CCR5AS: variants seen among roughly 807,000 people sequenced by gnomAD.
The protein encoded by CCR5AS is CCR5 antisense RNA.
intron 1 of CCR5AS, among the ~76,000 whole-genome samples, chr3:46,404,327 C>CTCT (rs774829413): frequency 1.6e-4 from 12 of 75,928 alleles, no homozygotes; most frequent in South Asian, 1.5e-3. Flanking sequence ...CTCTCTCTCT[C>CTCT]TTTTTTTTTT....
intron 2 of CCR5AS, chr3:46,373,602 G>C (rs371621013): frequency 6.2e-7 from 1 of 1,614,014 alleles, no homozygotes. Context: ...GCACAGGGCT[G>C]TGAGGCTTAT....
intron 1 of CCR5AS, among the ~76,000 whole-genome samples, chr3:46,400,441 T>G (rs1701997167): frequency 1.3e-5 from 2 of 152,186 alleles, no homozygotes; most frequent in Non-Finnish European, 2.9e-5. Context: ...AAGAGGGATG[T>G]GATCGTGGGA....
chr3:46,379,706 C>G (rs543406052), intron 2 of CCR5AS, among the ~76,000 whole-genome samples: 1 of 151,968 alleles, frequency 6.6e-6, no homozygotes, highest in African/African-American at 2.4e-5. Context: ...ACCGGCCTGG[C>G]CAATATAGTG....
At chr3:46,401,214 T>C (rs1202751710) in intron 1 of CCR5AS, among the ~76,000 whole-genome samples, 2 of 152,108 alleles carry the variant, frequency 1.3e-5, no homozygotes, top group Non-Finnish European at 2.9e-5. Flanking sequence ...TCCAAAAGGA[T>C]TGGTCCACGC....
At chr3:46,390,211 G>A (rs1399962254) in intron 2 of CCR5AS, among the ~76,000 whole-genome samples, 1 of 152,128 alleles carries the variant, frequency 6.6e-6, no homozygotes, top group Non-Finnish European at 1.5e-5. Context: ...GGCAAAAAGA[G>A]GCTGGGAGGA....
At chr3:46,395,135 A>T (rs1410525891) in intron 1 of CCR5AS, among the ~76,000 whole-genome samples, 1 of 152,104 alleles carries the variant, frequency 6.6e-6, no homozygotes, top group African/African-American at 2.4e-5. Context: ...GAGGACTTGG[A>T]TTATCAGGAC....
intron 2 of CCR5AS, among the ~76,000 whole-genome samples, chr3:46,390,099 A>G (rs922884654): frequency 6.6e-6 from 1 of 152,170 alleles, no homozygotes; most frequent in African/African-American, 2.4e-5. Context: ...AGATCATGAG[A>G]AAGGGCCTGG....
intron 2 of CCR5AS, among the ~76,000 whole-genome samples, chr3:46,389,846 T>C (rs573275295): frequency 1.3e-5 from 2 of 152,102 alleles, no homozygotes; most frequent in Non-Finnish European, 2.9e-5. Context: ...GGTTGGGGTC[T>C]GGGAGATTAA....
chr3:46,373,147 C>A (rs1204500128), intron 2 of CCR5AS: 1 of 1,614,070 alleles, frequency 6.2e-7, no homozygotes, highest in East Asian at 2.2e-5. Context: ...TTCCTTCTTA[C>A]TGTCCCCTTC....
chr3:46,368,859 T>C (rs972447644), intron 3 of CCR5AS, among the ~76,000 whole-genome samples: 1 of 152,088 alleles, frequency 6.6e-6, no homozygotes, highest in Admixed American at 6.6e-5. Context: ...AAACAGAACA[T>C]GGCAAAGCCT....
intron 3 of CCR5AS, among the ~76,000 whole-genome samples, chr3:46,365,470 A>G (rs1029002324): frequency 6.6e-6 from 1 of 152,256 alleles, no homozygotes; most frequent in Non-Finnish European, 1.5e-5. Context: ...AGACTACAGT[A>G]TAGGATAAAC....
intron 2 of CCR5AS, among the ~76,000 whole-genome samples, chr3:46,378,305 A>G (rs1401478891): frequency 6.6e-6 from 1 of 152,128 alleles, no homozygotes; most frequent in African/African-American, 2.4e-5. Context: ...ATTAATATGC[A>G]TGCATATAAT....
At chr3:46,399,438 A>T (rs1701988231) in intron 1 of CCR5AS, among the ~76,000 whole-genome samples, 1 of 152,226 alleles carries the variant, frequency 6.6e-6, no homozygotes. Context: ...GAGTTTGGAC[A>T]ACTAGTGAAA....
In CCR5AS at chr3:46,366,966, C is replaced by T. The variant is rs148918429; in HGVS notation, n.566-1921G>A. Among the ~76,000 whole-genome samples the T allele has an allele frequency of 1.4e-4, 22 of 152,136 alleles. No individual in the cohort carries two copies. In the South Asian group the frequency reaches 2.7e-3, roughly 19 times the overall value. ...GACACTGCTCACATGACTGAACAAC[C>T]GAGAAGAGCCCGACTGTCTACTGAA... On this transcript the variant is annotated intron_variant and non_coding_transcript_variant, in intron 3 of 3. Coordinates refer to ENST00000451485, the Ensembl canonical transcript of CCR5AS.
intron 1 of CCR5AS, among the ~76,000 whole-genome samples, chr3:46,398,322 A>G (rs565918290): frequency 2.6e-5 from 4 of 152,348 alleles, no homozygotes; most frequent in Non-Finnish European, 4.4e-5. Flanking sequence ...AAGCTACTGC[A>G]GAGAAAATAA....
In CCR5AS at chr3:46,369,529, G is replaced by A. The variant is rs541210726; in HGVS notation, n.565+1715C>T. On this transcript the variant is annotated intron_variant and non_coding_transcript_variant, in intron 3 of 3. Coordinates refer to ENST00000451485, the Ensembl canonical transcript of CCR5AS. ...ATTTCTTTCTATTCTCCAAGCACCA[G>A]CAATTAGCTTTACCTTTTCAGCTTC... Among the ~76,000 whole-genome samples, 7 of 152,060 alleles carry A rather than the reference G, an allele frequency of 4.6e-5. No homozygotes were observed. In the South Asian group the frequency reaches 1.2e-3, roughly 27 times the overall value.
intron 1 of CCR5AS, among the ~76,000 whole-genome samples, chr3:46,395,524 G>A (rs150362359): frequency 4.6e-5 from 7 of 152,288 alleles, no homozygotes; most frequent in East Asian, 3.9e-4. Flanking sequence ...TGTCAGCAAC[G>A]TCAAATGTTG....
intron 2 of CCR5AS, among the ~76,000 whole-genome samples, chr3:46,385,460 G>A (rs543557872): frequency 6.6e-6 from 1 of 152,266 alleles, no homozygotes; most frequent in East Asian, 1.9e-4. Flanking sequence ...ATGGTGCTGA[G>A]TTTCTCCTAG....
Position 46,389,770 on chromosome 3 carries a change from C to T in CCR5AS, n.391+3055G>A, listed in dbSNP as rs62246133. 8.1e-3 allele frequency among the ~76,000 whole-genome samples: 1,234 copies of T among 152,104 alleles called. 10 individuals are homozygous for T. Among genetic ancestry groups the T allele is most frequent in the Non-Finnish European group, 0.014 (957 of 67,998 alleles). On this transcript the variant is annotated intron_variant and non_coding_transcript_variant, in intron 2 of 3. Coordinates refer to ENST00000451485, the Ensembl canonical transcript of CCR5AS. ...GTGGTTTGATTAGGATAGCAAAGCC[C>T]GGTATCCAAAGTTGGAAATATCCAA...
Sources: gnomAD v4.1 joint callset for allele counts (sites outside exome capture counted in the v4.1 genomes callset) on GRCh38, gnomAD v4.1.1 for gene constraint, MANE v1.5 for transcripts, NCBI Gene and HGNC (gene_info 2026-07-23, HGNC 2026-07-21) for gene names.